Variants in SMAD3 observed in about 807,000 individuals in gnomAD.
SMAD3 encodes SMAD family member 3.
In SMAD3, 12 loss-of-function variants were observed where a neutral mutation model predicts 51.8. The ratio of observed to expected loss-of-function variants is 0.23; its 90% CI spans 0.15 to 0.38. The LOEUF is 0.38. Ranked by LOEUF, SMAD3 falls within the 10% of genes least tolerant of loss-of-function variation. The probability of loss-of-function intolerance (pLI) is 1.00; values close to 1 mark genes in which losing one functional copy is unlikely to be tolerated. For synonymous variants in SMAD3, 238 were observed against 227.7 expected (o/e 1.05, Z -0.41); for missense variants, 294 against 565.6 (o/e 0.52, Z 4.87).
At chr15:67,133,774 T>TG (rs1377693192) in intron 1 of SMAD3, among the ~76,000 whole-genome samples, 1 of 152,210 alleles carries the variant, frequency 6.6e-6, no homozygotes, top group African/African-American at 2.4e-5. Context: ...TTCAACAGTC[T>TG]GAAAAGTGGC....
At chr15:67,173,461 G>A (rs1566995629) in intron 5 of SMAD3, among the ~76,000 whole-genome samples, 1 of 152,146 alleles carries the variant, frequency 6.6e-6, no homozygotes, top group Non-Finnish European at 1.5e-5. Flanking sequence ...AAGGATGGAA[G>A]GACATTGCAG....
chr15:67,091,452 C>T (rs1960507023), intron 1 of SMAD3, among the ~76,000 whole-genome samples: 2 of 152,346 alleles, frequency 1.3e-5, no homozygotes, highest in South Asian at 4.1e-4. Flanking sequence ...CACTCACCCC[C>T]AGATAACCAC....
intron 1 of SMAD3, among the ~76,000 whole-genome samples, chr15:67,117,695 TA>T (rs1469276374): frequency 6.6e-6 from 1 of 152,176 alleles, no homozygotes. Flanking sequence ...GTTGTTAGCT[TA>T]AAAATGCCTG....
chr15:67,170,617 T>G lies in SMAD3; in HGVS notation c.658+13T>G. 6.2e-7 allele frequency: 1 copy of G among 1,611,854 alleles called. No homozygotes were observed. The highest frequency in any genetic ancestry group is 8.5e-7 in the Non-Finnish European group (1 of 1,177,994). ...CATAATAACTTGGGTGAGTATCTCC[T>G]TGTGCACACAACTGGAACCCCCTCT... On this transcript the variant is annotated intron_variant, in intron 5 of 8. Coordinates refer to ENST00000327367, the MANE Select transcript of SMAD3 (RefSeq NM_005902.4).
chr15:67,138,049 A>T (rs1263592351), intron 1 of SMAD3: 1 of 1,551,458 alleles, frequency 6.4e-7, no homozygotes, highest in African/African-American at 1.4e-5. Context: ...CACCCTAGGC[A>T]AACGTGGAAA....
At chr15:67,163,493 G>A (rs540698101) in intron 1 of SMAD3, among the ~76,000 whole-genome samples, 1 of 152,272 alleles carries the variant, frequency 6.6e-6, no homozygotes, top group African/African-American at 2.4e-5. Flanking sequence ...CTGCCTCCCA[G>A]CCTTGCCTGT....
At chr15:67,086,796 G>A (rs555674412) in intron 1 of SMAD3, among the ~76,000 whole-genome samples, 1 of 152,232 alleles carries the variant, frequency 6.6e-6, no homozygotes, top group African/African-American at 2.4e-5. Flanking sequence ...AGAAGACAGA[G>A]CATGGAGAGT....
chr15:67,146,431 C>T (rs554625116), intron 1 of SMAD3, among the ~76,000 whole-genome samples: 8 of 152,252 alleles, frequency 5.3e-5, no homozygotes, highest in African/African-American at 1.4e-4. Flanking sequence ...ACCCAGGGCA[C>T]GTGGCCAGAG....
At position 67,094,905 on chromosome 15, in the gene SMAD3, G is replaced by A. The variant is rs1474979822; in HGVS notation, c.206+28545G>A. On this transcript the variant is annotated intron_variant, in intron 1 of 8. Coordinates refer to ENST00000327367, the MANE Select transcript of SMAD3 (RefSeq NM_005902.4). ...GGCAGGGCTGCATGAGGGGGTCTCC[G>A]TGGATGTGGATAAGTCCAGAGAAGT... 6.6e-5 allele frequency among the ~76,000 whole-genome samples: 10 copies of A among 152,232 alleles called. No individual in the cohort carries two copies. In the South Asian group the frequency reaches 8.3e-4, roughly 13 times the overall value.
intron 8 of SMAD3, 109 bp from the exon 9 acceptor site, chr15:67,190,304 C>A (rs72661158): frequency 9.6e-7 from 1 of 1,037,540 alleles, no homozygotes; most frequent in East Asian, 2.4e-5. Context: ...CGTCTAACAG[C>A]ATCTTTGGGA....
chr15:67,151,690 T>A (rs992954043), intron 1 of SMAD3, among the ~76,000 whole-genome samples: 1 of 152,228 alleles, frequency 6.6e-6, no homozygotes, highest in African/African-American at 2.4e-5. Flanking sequence ...TTGATTTTTT[T>A]AAATTGACAA....
chr15:67,122,524 G>A (rs1242668020), intron 1 of SMAD3, among the ~76,000 whole-genome samples: 1 of 152,216 alleles, frequency 6.6e-6, no homozygotes, highest in Non-Finnish European at 1.5e-5. Context: ...AGAGGTCACA[G>A]GAAATGATAT....
chr15:67,160,386 A>T (rs988829015), intron 1 of SMAD3, among the ~76,000 whole-genome samples: 2 of 152,202 alleles, frequency 1.3e-5, no homozygotes, highest in Non-Finnish European at 1.5e-5. Context: ...TGCTTCTCTA[A>T]TGATCAACAT....
chr15:67,121,037 C>CT lies in SMAD3; in HGVS notation c.207-43855dup, dbSNP rs112613650. Among the ~76,000 whole-genome samples the CT allele has an allele frequency of 2.2e-3, 338 of 152,276 alleles. 2 individuals carry two copies. The highest frequency in any genetic ancestry group is 7.7e-3 in the African/African-American group (322 of 41,556). On this transcript the variant is annotated intron_variant, in intron 1 of 8. Transcript: ENST00000327367. ...TGAATCCCCATCTCATATGTTGGGACTTTGTCTTGCATGTTTTCAGGCAGG... is the reference window on the plus strand; with the variant it reads ...TGAATCCCCATCTCATATGTTGGGACTTTTGTCTTGCATGTTTTCAGGCAGG...
chr15:67,145,744 A>G (rs1049240039), intron 1 of SMAD3, among the ~76,000 whole-genome samples: 1 of 152,176 alleles, frequency 6.6e-6, no homozygotes, highest in Non-Finnish European at 1.5e-5. Flanking sequence ...CCCGGAGATG[A>G]GGCACTTGAC....
intron 1 of SMAD3, among the ~76,000 whole-genome samples, chr15:67,111,619 A>G (rs188314203): frequency 1.3e-5 from 2 of 152,324 alleles, no homozygotes; most frequent in Admixed American, 1.3e-4. Flanking sequence ...CTCACCACCA[A>G]TGTATGAGGG....
At chr15:67,125,562 G>A (rs886593168) in intron 1 of SMAD3, among the ~76,000 whole-genome samples, 3 of 152,256 alleles carry the variant, frequency 2.0e-5, no homozygotes, top group Admixed American at 6.5e-5. Context: ...CTTTTTAGGC[G>A]TTATTGGGCC....
chr15:67,183,345 A>G (rs962462164), intron 6 of SMAD3, among the ~76,000 whole-genome samples: 1 of 151,716 alleles, frequency 6.6e-6, no homozygotes, highest in Admixed American at 6.6e-5. Flanking sequence ...TGCCCGGCCT[A>G]TTTTTTTAAG....
At chr15:67,113,631 A>C (rs145362826) in intron 1 of SMAD3, among the ~76,000 whole-genome samples, 36 of 152,222 alleles carry the variant, frequency 2.4e-4, no homozygotes, top group African/African-American at 8.7e-4. Context: ...TCTAGCAGCC[A>C]AGGGTAAAAT....
Sources: allele counts gnomAD v4.1 joint callset (sites outside exome capture counted in the v4.1 genomes callset), GRCh38; gene constraint gnomAD v4.1.1; transcripts MANE v1.5; gene names NCBI Gene and HGNC (gene_info 2026-07-23, HGNC 2026-07-21).